Variants in LHX4 observed in about 807,000 individuals in gnomAD.
LHX4 encodes LIM homeobox 4.
Under a neutral mutation model 39.2 loss-of-function variants are expected in LHX4, and 16 were observed. The ratio of observed to expected loss-of-function variants is 0.41; its 90% CI spans 0.28 to 0.62. The LOEUF is 0.62. Ranked by LOEUF, LHX4 falls within the 20% of genes least tolerant of loss-of-function variation. The pLI is 0.33. For missense variants in LHX4, 439 were observed against 511.9 expected, an observed-to-expected ratio of 0.86 and a Z score of 1.37; for synonymous variants, 206 against 198.1, an observed-to-expected ratio of 1.04 and a Z score of -0.33.
At chr1:180,263,442 G>T (rs1489909500) in intron 2 of LHX4, among the ~76,000 whole-genome samples, 1 of 152,308 alleles carries the variant, frequency 6.6e-6, no homozygotes, top group South Asian at 2.1e-4. Context: ...AGATGGGGTG[G>T]AGGGTGATCT....
chr1:180,248,612 G>C, intron 2 of LHX4, 156 bp downstream of exon 2: 1 of 782,214 alleles, frequency 1.3e-6, no homozygotes, highest in Non-Finnish European at 2.2e-6. Context: ...CCCTTGTTGA[G>C]GTCCCCCTTC....
intron 1 of LHX4, among the ~76,000 whole-genome samples, chr1:180,238,094 T>G (rs1664366633): frequency 6.6e-6 from 1 of 152,258 alleles, no homozygotes; most frequent in African/African-American, 2.4e-5. Flanking sequence ...ATTTACATTG[T>G]GTATTTCATT....
At chr1:180,236,528 A>C (rs1338550186) in intron 1 of LHX4, among the ~76,000 whole-genome samples, 1 of 152,170 alleles carries the variant, frequency 6.6e-6, no homozygotes, top group Non-Finnish European at 1.5e-5. Flanking sequence ...CAGGGATGGA[A>C]AATTAGTTAA....
At chr1:180,229,901 G>A (rs1158462155), upstream of LHX4, among the ~76,000 whole-genome samples, 1 of 143,234 alleles carries the variant, frequency 7.0e-6, no homozygotes. Flanking sequence ...CAGGCCATCA[G>A]CAGAATTTAT....
intron 1 of LHX4, among the ~76,000 whole-genome samples, chr1:180,240,689 A>G (rs544343525): frequency 6.6e-6 from 1 of 152,334 alleles, no homozygotes; most frequent in African/African-American, 2.4e-5. Flanking sequence ...ATACAAATGC[A>G]TGATATTTAT....
rs79391247 is a variant in LHX4, at chr1:180,256,848, C to G, written c.248+8392C>G. Reference sequence around the variant, plus strand: ...AGTGAGAAGGGCAGATGAGGTGCTGCGGGAAGTAAGGGAGAGGAGGGAGGG... The same window carrying G: ...AGTGAGAAGGGCAGATGAGGTGCTGGGGGAAGTAAGGGAGAGGAGGGAGGG... On this transcript the variant is annotated intron_variant, in intron 2 of 5. Transcript: ENST00000263726. 3.3e-3 allele frequency among the ~76,000 whole-genome samples: 497 copies of G among 152,220 alleles called. 5 individuals are homozygous for G. Among genetic ancestry groups the G allele is most frequent in the African/African-American group, 0.011 (452 of 41,538 alleles).
intron 2 of LHX4, among the ~76,000 whole-genome samples, chr1:180,256,492 C>T (rs1412761273): frequency 2.0e-5 from 3 of 152,222 alleles, no homozygotes; most frequent in Non-Finnish European, 4.4e-5. Context: ...GGGCCTCTCT[C>T]CCACACACCC....
At chr1:180,273,795 G>C in intron 5 of LHX4, 1 of 251,350 alleles carries the variant, frequency 4.0e-6, no homozygotes, top group South Asian at 5.0e-5. Flanking sequence ...TTCTCAGCTT[G>C]AAAGCTTTCA....
At chr1:180,262,088 T>C (rs147436145) in intron 2 of LHX4, among the ~76,000 whole-genome samples, 1 of 152,172 alleles carries the variant, frequency 6.6e-6, no homozygotes, top group African/African-American at 2.4e-5. Context: ...TAGCATTCCA[T>C]GCAAAATGGT....
In LHX4 at chr1:180,234,169, T is replaced by TTATATACA. The variant is rs1664249170; in HGVS notation, c.76+3570_76+3571insCATATATA. 1.5e-4 allele frequency among the ~76,000 whole-genome samples: 8 copies of TTATATACA among 53,610 alleles called. No individual in the cohort carries two copies. Among genetic ancestry groups the TTATATACA allele is most frequent in the Non-Finnish European group, 2.5e-4 (7 of 28,470 alleles). The allele number at this position is 53,610 out of a possible 152,430, so 35.2% of individuals were successfully genotyped here. ...AACAGACACACACAACACACACAAA[T>TTATATACA]TATATATATATATATATATATATAT... On this transcript the variant is annotated intron_variant, in intron 1 of 5. Transcript: ENST00000263726. This position sits in a 1 kb window ranked among gnomAD's most constrained non-coding sequence, Gnocchi z 4.8.
At chr1:180,246,903 C>T (rs539704464) in intron 1 of LHX4, among the ~76,000 whole-genome samples, 32 of 152,256 alleles carry the variant, frequency 2.1e-4, no homozygotes, top group African/African-American at 7.7e-4. Flanking sequence ...TGCCAGGCAC[C>T]GTGCTAGGCA....
chr1:180,277,963 T>TAAGA lies in LHX4; in HGVS notation c.*3387_*3390dup, dbSNP rs1222723024. 6.6e-6 allele frequency: 1 copy of TAAGA among 152,024 alleles called. No homozygotes were observed. Among genetic ancestry groups the TAAGA allele is most frequent in the Non-Finnish European group, 1.5e-5 (1 of 68,004 alleles). The allele number at this position is 152,024 out of a possible 1,614,324, so 9.4% of individuals were successfully genotyped here. A position where few individuals can be genotyped will look rare whatever the true frequency, so the allele number is the denominator to read the frequency against. On this transcript the variant is annotated 3_prime_UTR_variant, in exon 6 of 6. Transcript: ENST00000263726. ...ATTAAACTCACTTTGCAAGGAAGTG[T>TAAGA]AAGAAATCTGTAAAACAAAAGACAT...
chr1:180,254,100 G>T (rs944542679), intron 2 of LHX4, among the ~76,000 whole-genome samples: 1 of 152,228 alleles, frequency 6.6e-6, no homozygotes, highest in Non-Finnish European at 1.5e-5. Flanking sequence ...GCTTGTGGGG[G>T]CTTCAAGCTG....
At chr1:180,257,738 A>G (rs1293411803) in intron 2 of LHX4, among the ~76,000 whole-genome samples, 1 of 152,212 alleles carries the variant, frequency 6.6e-6, no homozygotes, top group Non-Finnish European at 1.5e-5. Flanking sequence ...CATAAAATCA[A>G]CTTGTGCAGT....
chr1:180,269,522 GA>G (rs1648500539), intron 3 of LHX4: 1 of 152,170 alleles, frequency 6.6e-6, no homozygotes. Flanking sequence ...TAGCAGTGCC[GA>G]ACCAGCGGGC....
At chr1:180,233,575 C>T (rs1490940093) in intron 1 of LHX4, among the ~76,000 whole-genome samples, 1 of 152,260 alleles carries the variant, frequency 6.6e-6, no homozygotes, top group Non-Finnish European at 1.5e-5. Context: ...CGGGGCCCTG[C>T]TGGCCGGCCA....
At chr1:180,259,123 A>G (rs1647993337) in intron 2 of LHX4, among the ~76,000 whole-genome samples, 1 of 151,594 alleles carries the variant, frequency 6.6e-6, no homozygotes, top group Non-Finnish European at 1.5e-5. Flanking sequence ...GAGGTGTGGG[A>G]GGAGGAGGAG....
chr1:180,276,659 A>G lies in LHX4; in HGVS notation c.*2080A>G, dbSNP rs1299351304. On this transcript the variant is annotated 3_prime_UTR_variant, in exon 6 of 6. Transcript: ENST00000263726. ...ATGGCTTTTTAAATACACCCTTCTT[A>G]GCAGGCTGCTTAAAATACACAGGAG... 6.6e-6 allele frequency: 1 copy of G among 152,222 alleles called. No individual in the cohort carries two copies. The highest frequency in any genetic ancestry group is 2.4e-5 in the African/African-American group (1 of 41,462). The allele number at this position is 152,222 out of a possible 1,614,324, so 9.4% of individuals were successfully genotyped here. A position where few individuals can be genotyped will look rare whatever the true frequency, so the allele number is the denominator to read the frequency against.
intron 2 of LHX4, among the ~76,000 whole-genome samples, chr1:180,258,054 C>T (rs1056059101): frequency 6.6e-6 from 1 of 152,242 alleles, no homozygotes; most frequent in African/African-American, 2.4e-5. Context: ...TATCGTCAGC[C>T]AGGTCCTGCT....
Sources: allele counts gnomAD v4.1 joint callset (sites outside exome capture counted in the v4.1 genomes callset), GRCh38; gene constraint gnomAD v4.1.1; non-coding constraint Gnocchi (gnomAD v3.1); transcripts MANE v1.5; gene names NCBI Gene and HGNC (gene_info 2026-07-23, HGNC 2026-07-21).